The following ADCY2 variants were observed in gnomAD, a reference collection of about 807,000 sequenced individuals.
The protein encoded by ADCY2 is adenylate cyclase 2, also known as adenylate cyclase type 2.
In ADCY2, 31 loss-of-function variants were observed where a neutral mutation model predicts 125.2. That is an observed-to-expected ratio of 0.25 (90% CI 0.19 to 0.33). The LOEUF (loss-of-function observed/expected upper bound fraction) is 0.33, where lower values mean the gene tolerates loss of function less well. Ranked by LOEUF, ADCY2 falls within the 10% of genes least tolerant of loss-of-function variation. The pLI, the probability that ADCY2 is intolerant of heterozygous loss-of-function variation, is 1.00. For missense variants in ADCY2, 904 were observed against 1,418.2 expected, an observed-to-expected ratio of 0.64 and a Z score of 5.82; for synonymous variants, 512 against 548.4, an observed-to-expected ratio of 0.93 and a Z score of 0.93.
chr5:7,526,660 T>G (rs1579537784), intron 3 of ADCY2, among the ~76,000 whole-genome samples: 1 of 152,342 alleles, frequency 6.6e-6, no homozygotes, highest in East Asian at 1.9e-4. Flanking sequence ...CTAACACATT[T>G]TGAACACAGC....
At chr5:7,621,448 T>C (rs1446227264) in intron 3 of ADCY2, among the ~76,000 whole-genome samples, 1 of 151,986 alleles carries the variant, frequency 6.6e-6, no homozygotes, top group African/African-American at 2.4e-5. Flanking sequence ...CTAGAGGGGG[T>C]TGTGTGTGTG....
At position 7,826,996 on chromosome 5, in the gene ADCY2, C is replaced by G; in HGVS notation, c.*125C>G. 8.4e-7 allele frequency: 1 copy of G among 1,193,866 alleles called. No homozygotes were observed. Among genetic ancestry groups the G allele is most frequent in the East Asian group, 2.4e-5 (1 of 41,222 alleles). 74.0% of individuals were successfully genotyped at this position (1,193,866 alleles called of 1,614,324 possible). A position where few individuals can be genotyped will look rare whatever the true frequency, so the allele number is the denominator to read the frequency against. The stretch of plus-strand genomic sequence containing the variant: ...CTGTCCTATGGAGCCTCTGCAGACT[C>G]GTTCTCGTGACCCAGTGGCATACCG... On this transcript the variant is annotated 3_prime_UTR_variant, in exon 25 of 25. Transcript: ENST00000338316.
rs1429431139 is a variant in ADCY2 at position 7,565,872 on chromosome 5, C to CA, written c.570+44976dup. On this transcript the variant is annotated intron_variant, in intron 3 of 24. Transcript: ENST00000338316. ...GAGTCCTGAGCAATCCAGCTTTTCCCAAATAAATGTATTTGACCATGGGAA... is the reference window on the plus strand; with the variant it reads ...GAGTCCTGAGCAATCCAGCTTTTCCCAAAATAAATGTATTTGACCATGGGAA... 3.9e-5 allele frequency among the ~76,000 whole-genome samples: 6 copies of CA among 152,268 alleles called. No individual in the cohort carries two copies. The East Asian group carries it at 1.2e-3, about 29-fold the overall frequency.
chr5:7,457,989 G>A (rs2126432687), intron 2 of ADCY2, among the ~76,000 whole-genome samples: 1 of 152,246 alleles, frequency 6.6e-6, no homozygotes, highest in African/African-American at 2.4e-5. Context: ...CTCACTTTTG[G>A]CCCTGGATTT....
At chr5:7,578,113 T>A (rs1412849438) in intron 3 of ADCY2, among the ~76,000 whole-genome samples, 1 of 152,184 alleles carries the variant, frequency 6.6e-6, no homozygotes, top group Non-Finnish European at 1.5e-5. Flanking sequence ...GAAGGCTCCT[T>A]GCTGTGTATC....
chr5:7,808,256 C>T (rs1432239364), intron 22 of ADCY2, among the ~76,000 whole-genome samples: 3 of 152,176 alleles, frequency 2.0e-5, no homozygotes, highest in African/African-American at 7.2e-5. Flanking sequence ...TGTTTCTTAG[C>T]CACCATCCAG....
chr5:7,437,324 C>G (rs1395898889), intron 2 of ADCY2, among the ~76,000 whole-genome samples: 2 of 152,162 alleles, frequency 1.3e-5, no homozygotes, highest in African/African-American at 4.8e-5. Context: ...CCTCCCCTCC[C>G]GAGACAGGCT....
intron 16 of ADCY2, among the ~76,000 whole-genome samples, chr5:7,762,674 T>C (rs1313351093): frequency 1.4e-4 from 22 of 152,238 alleles, no homozygotes. Context: ...AACCTGCCCA[T>C]CCTGGAGCAG....
chr5:7,503,040 C>T (rs958441361), intron 2 of ADCY2, among the ~76,000 whole-genome samples: 5 of 152,272 alleles, frequency 3.3e-5, no homozygotes, highest in East Asian at 3.9e-4. Context: ...TACTGCAGCC[C>T]CAGCTCCATG....
rs143354227 is a variant in ADCY2, at chr5:7,588,270, T to C, written c.571-37897T>C. Among the ~76,000 whole-genome samples the C allele has an allele frequency of 1.8e-3, 267 of 152,254 alleles. 4 individuals are homozygous for C. The highest frequency in any genetic ancestry group is 0.015 in the Admixed American group (227 of 15,296). ...GTACAAGGAAACTAAAATTCTTTCC[T>C]GAAACACATAAAAAAATCCACATAA... On this transcript the variant is annotated intron_variant, in intron 3 of 24. Coordinates refer to ENST00000338316, the MANE Select transcript of ADCY2 (RefSeq NM_020546.3).
At chr5:7,445,380 G>A (rs550349806) in intron 2 of ADCY2, among the ~76,000 whole-genome samples, 3 of 152,222 alleles carry the variant, frequency 2.0e-5, no homozygotes, top group African/African-American at 4.8e-5. Context: ...TCATTTCATC[G>A]ATTTCATTTT....
chr5:7,777,396 TTGAA>T (rs1056154829), intron 18 of ADCY2, among the ~76,000 whole-genome samples: 1 of 152,170 alleles, frequency 6.6e-6, no homozygotes, highest in Non-Finnish European at 1.5e-5. Flanking sequence ...AAAACATCTG[TTGAA>T]TGAATGAACA....
At chr5:7,648,717 T>C (rs1459819537) in intron 4 of ADCY2, among the ~76,000 whole-genome samples, 1 of 152,212 alleles carries the variant, frequency 6.6e-6, no homozygotes, top group Non-Finnish European at 1.5e-5. Flanking sequence ...ATAAAATGAA[T>C]TAAAATCATT....
At chr5:7,510,436 G>A (rs879720437) in intron 2 of ADCY2, among the ~76,000 whole-genome samples, 1 of 152,128 alleles carries the variant, frequency 6.6e-6, no homozygotes, top group Non-Finnish European at 1.5e-5. Flanking sequence ...GAGCAGTGTG[G>A]GTCACAGGCA....
At position 7,717,147 on chromosome 5, in the gene ADCY2, T is replaced by C; in HGVS notation, c.1623-10T>C. The stretch of plus-strand genomic sequence containing the variant: ...ATATCCTTACCCATAATATTCCATT[T>C]TTCATATAGAACCAAGTCACAAAAG... On this transcript the variant is annotated splice_polypyrimidine_tract_variant and intron_variant, in intron 11 of 24. Transcript: ENST00000338316. The C allele has an allele frequency of 6.3e-7, 1 of 1,584,992 alleles. No individual in the cohort carries two copies. The highest frequency in any genetic ancestry group is 8.6e-7 in the Non-Finnish European group (1 of 1,158,808).
Position 7,607,832 on chromosome 5 carries a change from G to T in ADCY2, c.571-18335G>T, listed in dbSNP as rs189550792. ...TGAGAAAGATACATAAACTAAGAAG[G>T]CCATATTTGAATCTGTGGCTAGTGG... is the stretch of plus-strand genomic sequence containing the variant. On this transcript the variant is annotated intron_variant, in intron 3 of 24. Transcript: ENST00000338316. Among the ~76,000 whole-genome samples the T allele has an allele frequency of 6.2e-4, 94 of 152,264 alleles. 1 individual carries two copies. The highest frequency in any genetic ancestry group is 4.0e-4 in the Non-Finnish European group (27 of 68,022).
intron 2 of ADCY2, among the ~76,000 whole-genome samples, chr5:7,515,455 G>A (rs1236705421): frequency 2.4e-4 from 37 of 152,186 alleles, no homozygotes; most frequent in East Asian, 3.9e-4. Context: ...GAGAACACGG[G>A]CTGCCCAAAC....
chr5:7,416,799 A>G (rs1309353457), intron 2 of ADCY2, among the ~76,000 whole-genome samples: 5 of 152,186 alleles, frequency 3.3e-5, no homozygotes, highest in African/African-American at 1.2e-4. Flanking sequence ...TGTAAACAGG[A>G]GAACAGTTAA....
At chr5:7,783,484 A>G (rs1030519701) in intron 18 of ADCY2, among the ~76,000 whole-genome samples, 5 of 151,860 alleles carry the variant, frequency 3.3e-5, no homozygotes, top group Non-Finnish European at 4.4e-5. Context: ...TACTACACCA[A>G]AGCCTCTTGT....
Sources: gnomAD v4.1 joint callset for allele counts (sites outside exome capture counted in the v4.1 genomes callset) on GRCh38, gnomAD v4.1.1 for gene constraint, MANE v1.5 for transcripts, NCBI Gene and HGNC (gene_info 2026-07-23, HGNC 2026-07-21) for gene names.